Variants in CNNM1 observed in about 807,000 individuals in gnomAD.
CNNM1 encodes the protein metal transporter CNNM1.
CNNM1 carries 44 observed loss-of-function variants against 78.8 expected under a neutral mutation model. The observed-to-expected ratio is 0.56, with a 90% CI of 0.44 to 0.72. The LOEUF is 0.72. Among genes scored for constraint, CNNM1 ranks in the 30% least tolerant of loss-of-function variants. The probability of loss-of-function intolerance (pLI) is 0.00; values close to 1 mark genes in which losing one functional copy is unlikely to be tolerated. For missense variants in CNNM1, 1,101 were observed against 1,292.2 expected (o/e 0.85, Z 2.27); for synonymous variants, 584 against 581.5 (o/e 1.00, Z -0.06).
intron 9 of CNNM1, 92 bp from the exon 10 acceptor site, chr10:99,390,214 T>C: frequency 1.1e-6 from 1 of 910,412 alleles, no homozygotes; most frequent in Non-Finnish European, 1.7e-6. Context: ...TAAACTTCAC[T>C]TGCTGAGGGA....
At chr10:99,388,074 C>T in intron 8 of CNNM1, 71 bp downstream of exon 8, 10 of 1,592,492 alleles carry the variant, frequency 6.3e-6, no homozygotes, top group Non-Finnish European at 8.6e-6. Context: ...CCTCTTCTAG[C>T]CCTTCCCAGG....
At chr10:99,350,490 C>T (rs2030902135) in intron 1 of CNNM1, among the ~76,000 whole-genome samples, 1 of 152,114 alleles carries the variant, frequency 6.6e-6, no homozygotes, top group East Asian at 1.9e-4. Context: ...TAATGGAGTC[C>T]TTGAGAGCTC....
At chr10:99,391,408 G>C (rs2032468283) in intron 10 of CNNM1, 29 bp from the exon 11 acceptor site, 2 of 1,568,062 alleles carry the variant, frequency 1.3e-6, no homozygotes, top group Non-Finnish European at 1.8e-6. Context: ...CAGTGTTACA[G>C]GCTGATACTT....
Position 99,388,169 on chromosome 10 carries a change from C to G in CNNM1, c.2542C>G (p.Leu848Val). ...CTCCCCAGGCAGCCGCTCAGACGGG[C>G]TGAGAAGCCCCAGCGAGGTAGTGTA... is the stretch of plus-strand genomic sequence containing the variant. ...NSLPCSRSDG[L>V]RSPSEVVYLR... The change falls in exon 9 of 11, where the codon CTG becomes GTG. Residue 848 changes from leucine to valine, a missense_variant. Physicochemically the swap from Leu to Val is conservative, Grantham distance 32. This residue lies in a region of CNNM1 where 348 missense variants were observed against 384.5 expected (regional missense o/e 0.90). Transcript: ENST00000356713. The G allele has an allele frequency of 6.2e-7, 1 of 1,613,734 alleles. No individual in the cohort carries two copies. The highest frequency in any genetic ancestry group is 8.5e-7 in the Non-Finnish European group (1 of 1,179,838).
At chr10:99,343,107 C>T (rs984021748) in intron 1 of CNNM1, among the ~76,000 whole-genome samples, 3 of 151,984 alleles carry the variant, frequency 2.0e-5, no homozygotes, top group Middle Eastern at 3.2e-3. Flanking sequence ...GGATTACAGG[C>T]GCCTGCCACC....
intron 6 of CNNM1, among the ~76,000 whole-genome samples, chr10:99,370,035 C>A (rs1198521624): frequency 1.3e-5 from 2 of 152,162 alleles, no homozygotes; most frequent in East Asian, 3.8e-4. Flanking sequence ...TTCAGTTAAC[C>A]AGATGACCTA....
At chr10:99,356,558 C>CAGAAAGAAAGAAAGAAAAGAAAAGAA (rs1355245134) in intron 1 of CNNM1, among the ~76,000 whole-genome samples, 123 of 45,782 alleles carry the variant, frequency 2.7e-3, no homozygotes, top group Non-Finnish European at 5.1e-3. Flanking sequence ...GACAGACAGA[C>CAGAAAGAAAGAAAGAAAAGAAAAGAA]AGACAGAAAG....
chr10:99,347,816 C>T (rs2030766039), intron 1 of CNNM1, among the ~76,000 whole-genome samples: 2 of 150,778 alleles, frequency 1.3e-5, no homozygotes, highest in Non-Finnish European at 3.0e-5. Flanking sequence ...CCTTTACACC[C>T]TGTTCTACTG....
intron 2 of CNNM1, among the ~76,000 whole-genome samples, chr10:99,359,756 CA>C (rs1487497203): frequency 6.6e-6 from 1 of 152,102 alleles, no homozygotes; most frequent in African/African-American, 2.4e-5. Context: ...CAGCTTGCAC[CA>C]GACGTTCCCC....
intron 5 of CNNM1, among the ~76,000 whole-genome samples, chr10:99,364,724 T>C (rs185125913): frequency 6.6e-6 from 1 of 152,264 alleles, no homozygotes; most frequent in Non-Finnish European, 1.5e-5. Flanking sequence ...GACAAAAAAT[T>C]GAATTGTAAA....
chr10:99,390,337 G>A lies in CNNM1; in HGVS notation c.2706G>A (p.Leu902=), dbSNP rs1156965945. 1 of 1,613,044 alleles carries A rather than the reference G, an allele frequency of 6.2e-7. No individual in the cohort carries two copies. Among genetic ancestry groups the A allele is most frequent in the Non-Finnish European group, 8.5e-7 (1 of 1,179,606 alleles). The stretch of plus-strand genomic sequence containing the variant: ...ATAGTGAATGTTGTAACATCAACCT[G>A]GATACAGAGACCAGCCCCTGCAGTA... ...ASDSECCNIN[L]DTETSPCSSD... is the part of the protein sequence containing the mutation. The change falls in exon 10 of 11, where the codon CTG becomes CTA. Residue 902 remains leucine (L), a synonymous_variant. Coordinates refer to ENST00000356713, the MANE Select transcript of CNNM1 (RefSeq NM_020348.3).
intron 3 of CNNM1, 81 bp from the exon 4 acceptor site, chr10:99,362,146 T>G (rs2031454412): frequency 2.9e-6 from 4 of 1,366,292 alleles, no homozygotes; most frequent in Non-Finnish European, 3.0e-6. Flanking sequence ...GTGCCCACTC[T>G]GACTCCTCCC....
chr10:99,368,569 T>C, intron 6 of CNNM1: 1 of 1,202,708 alleles, frequency 8.3e-7, no homozygotes, highest in Non-Finnish European at 1.1e-6. Flanking sequence ...CTTTTGTGTT[T>C]ATATCTTCCC....
intron 7 of CNNM1, 83 bp downstream of exon 7, chr10:99,377,301 C>T: frequency 7.5e-7 from 1 of 1,333,782 alleles, no homozygotes; most frequent in South Asian, 1.3e-5. Flanking sequence ...TACCCCCATT[C>T]CTAGGAGGGA....
In CNNM1 at chr10:99,330,064, C is replaced by T. The variant is rs2134006678; in HGVS notation, c.677C>T (p.Ala226Val). 1.3e-6 allele frequency: 2 copies of T among 1,515,392 alleles called. No individual in the cohort carries two copies. The highest frequency in any genetic ancestry group is 1.8e-6 in the Non-Finnish European group (2 of 1,141,572). The allele number at this position is 1,515,392 out of a possible 1,614,324, so 93.9% of individuals were successfully genotyped here. Residue 226 changes from alanine to valine, a missense_variant, in exon 1 of 11, where the codon GCG becomes GTG. Physicochemically the swap from Ala to Val is moderately conservative, Grantham distance 64. Transcript: ENST00000356713. ...GDLLPPAWLR[A>V]LGALLLLALS... ...CTGCTGCCCCCTGCGTGGCTGCGGG[C>T]GCTCGGGGCGCTCCTGCTGCTAGCC...
intron 1 of CNNM1, among the ~76,000 whole-genome samples, chr10:99,348,051 T>TA (rs58994103): frequency 0.042 from 5,847 of 137,748 alleles, 222 homozygotes; most frequent in East Asian, 0.15. Flanking sequence ...TATATATATA[T>TA]TTTTTTTTTT....
chr10:99,384,356 T>A (rs2032245126), intron 7 of CNNM1, among the ~76,000 whole-genome samples: 2 of 152,226 alleles, frequency 1.3e-5, no homozygotes, highest in South Asian at 2.1e-4. Context: ...AAAATTTTTT[T>A]TAAAAAGAGA....
chr10:99,371,857 C>T, intron 6 of CNNM1, among the ~76,000 whole-genome samples: 1 of 152,112 alleles, frequency 6.6e-6, no homozygotes, highest in East Asian at 1.9e-4. Flanking sequence ...AATTAAGCTT[C>T]CTCATCCATT....
chr10:99,390,371 G>T lies in CNNM1; in HGVS notation c.2740G>T (p.Glu914Ter). 6.2e-7 allele frequency: 1 copy of T among 1,613,154 alleles called. No homozygotes were observed. The highest frequency in any genetic ancestry group is 1.1e-5 in the South Asian group (1 of 90,722). The change falls in exon 10 of 11, where the codon GAG becomes TAG. Residue 914 changes from glutamate to a stop codon, truncating the protein, a stop_gained. Transcript: ENST00000356713. LOFTEE classifies it high-confidence loss of function. Reference protein sequence around the residue: ...TETSPCSSDFEENVGKKLLRT... With the variant: ...TETSPCSSDF Reference sequence around the variant, plus strand: ...GACCAGCCCCTGCAGTAGCGATTTTGAGGAAAACGTGGGCAAGAAGCTGCT... The same window carrying T: ...GACCAGCCCCTGCAGTAGCGATTTTTAGGAAAACGTGGGCAAGAAGCTGCT...
Sources: gnomAD v4.1 joint callset for allele counts (sites outside exome capture counted in the v4.1 genomes callset) on GRCh38, gnomAD v4.1.1 for gene constraint, gnomAD v4.1.1 regional missense constraint, MANE v1.5 for transcripts, NCBI Gene and HGNC (gene_info 2026-07-23, HGNC 2026-07-21) for gene names.